NDST4: variants seen among roughly 807,000 people sequenced by gnomAD.
The protein encoded by NDST4 is N-heparan sulfate sulfotransferase 4.
Under a neutral mutation model 100.8 loss-of-function variants are expected in NDST4, and 63 were observed. The ratio of observed to expected loss-of-function variants is 0.62; its 90% CI spans 0.51 to 0.77. The LOEUF is 0.77. NDST4 is among the 30% of genes least tolerant of loss of function. The pLI is 0.00. For synonymous variants in NDST4, 377 were observed against 361.8 expected (o/e 1.04, Z -0.48); for missense variants, 943 against 1,018.4 (o/e 0.93, Z 1.01).
At chr4:114,979,770 T>C (rs1262576802) in intron 2 of NDST4, among the ~76,000 whole-genome samples, 4 of 152,034 alleles carry the variant, frequency 2.6e-5, no homozygotes, top group Admixed American at 1.3e-4. Context: ...AAGAGCTATC[T>C]AGTCATGGCC....
intron 3 of NDST4, among the ~76,000 whole-genome samples, chr4:114,975,671 A>T (rs1726616767): frequency 6.6e-6 from 1 of 152,150 alleles, no homozygotes; most frequent in Admixed American, 6.6e-5. Context: ...TGAGGCAGTT[A>T]TCCAGATATA....
Position 115,024,063 on chromosome 4 carries a change from A to T in NDST4, c.979-46789T>A, listed in dbSNP as rs116305556. On this transcript the variant is annotated intron_variant, in intron 2 of 13. Transcript: ENST00000264363. ...ATTCTGCAAGCTCACATCATGTAAG[A>T]GCTGTAAAGGCATGATGATCTTCAC... Among the ~76,000 whole-genome samples the T allele has an allele frequency of 7.6e-3, 1,150 of 152,172 alleles. 13 individuals carry two copies. The highest frequency in any genetic ancestry group is 0.026 in the African/African-American group (1,094 of 41,520).
At chr4:114,964,393 A>G (rs1726334707) in intron 4 of NDST4, among the ~76,000 whole-genome samples, 2 of 152,206 alleles carry the variant, frequency 1.3e-5, no homozygotes, top group Non-Finnish European at 2.9e-5. Context: ...TCCTGACTTC[A>G]TAAACTGTTA....
intron 2 of NDST4, among the ~76,000 whole-genome samples, chr4:115,073,616 T>G (rs560196957): frequency 6.6e-6 from 1 of 151,830 alleles, no homozygotes; most frequent in South Asian, 2.1e-4. Context: ...AAATTTAAAC[T>G]CAAAGAAGCA....
chr4:115,104,467 G>C (rs1729797711), intron 1 of NDST4, among the ~76,000 whole-genome samples: 1 of 151,942 alleles, frequency 6.6e-6, no homozygotes, highest in South Asian at 2.1e-4. Context: ...GGAAACATTT[G>C]CATTTGTTTT....
chr4:115,083,751 C>T (rs996760235), intron 1 of NDST4, among the ~76,000 whole-genome samples: 7 of 152,002 alleles, frequency 4.6e-5, no homozygotes, highest in African/African-American at 7.2e-5. Flanking sequence ...TAAGGAGCTT[C>T]CCCCCTTTGT....
intron 1 of NDST4, among the ~76,000 whole-genome samples, chr4:115,080,790 A>G (rs1729286578): frequency 1.3e-5 from 2 of 152,120 alleles, no homozygotes; most frequent in African/African-American, 4.8e-5. Context: ...ATCCAAGCTC[A>G]CATATTTAAT....
intron 2 of NDST4, among the ~76,000 whole-genome samples, chr4:115,045,249 T>C (rs550374299): frequency 1.3e-5 from 2 of 152,050 alleles, no homozygotes; most frequent in African/African-American, 4.8e-5. Flanking sequence ...AAATTTGCCT[T>C]AGGCATGAAA....
chr4:114,904,607 C>T (rs532830880), intron 6 of NDST4, among the ~76,000 whole-genome samples: 3 of 151,694 alleles, frequency 2.0e-5, no homozygotes, highest in East Asian at 3.9e-4. Flanking sequence ...TGCATAGATA[C>T]TAGAAATAGC....
At chr4:114,857,887 C>T (rs899825264) in intron 7 of NDST4, among the ~76,000 whole-genome samples, 1 of 152,014 alleles carries the variant, frequency 6.6e-6, no homozygotes, top group African/African-American at 2.4e-5. Context: ...ATGATAGTGT[C>T]CAAAGTGTGT....
intron 11 of NDST4, among the ~76,000 whole-genome samples, chr4:114,838,709 C>A (rs1413847226): frequency 6.6e-6 from 1 of 151,740 alleles, no homozygotes; most frequent in Admixed American, 6.6e-5. Context: ...GGAGAAATAC[C>A]TAATGTAGGT....
At chr4:114,976,534 G>A (rs1008613335) in intron 3 of NDST4, among the ~76,000 whole-genome samples, 3 of 152,098 alleles carry the variant, frequency 2.0e-5, no homozygotes, top group African/African-American at 7.2e-5. Context: ...TCAGAACACA[G>A]CACATGAATA....
intron 4 of NDST4, among the ~76,000 whole-genome samples, chr4:114,950,221 T>C (rs930659966): frequency 6.6e-6 from 1 of 152,020 alleles, no homozygotes; most frequent in African/African-American, 2.4e-5. Flanking sequence ...AACACAAAGC[T>C]TCCTCTGGAG....
chr4:115,000,149 C>T (rs1477750762), intron 2 of NDST4, among the ~76,000 whole-genome samples: 1 of 150,964 alleles, frequency 6.6e-6, no homozygotes, highest in Non-Finnish European at 1.5e-5. Flanking sequence ...TATATTTTCT[C>T]AACTCAATTC....
At chr4:115,027,748 GTAAGCATGT>G (rs1728019185) in intron 2 of NDST4, among the ~76,000 whole-genome samples, 1 of 151,700 alleles carries the variant, frequency 6.6e-6, no homozygotes, top group Non-Finnish European at 1.5e-5. Context: ...AACTTCTTTG[GTAAGCATGT>G]TATAAGAGTT....
intron 2 of NDST4, among the ~76,000 whole-genome samples, chr4:114,987,266 C>T (rs1221005546): frequency 6.6e-6 from 1 of 152,080 alleles, no homozygotes; most frequent in Non-Finnish European, 1.5e-5. Flanking sequence ...AAAATATCCC[C>T]AAGAATTCTC....
intron 2 of NDST4, among the ~76,000 whole-genome samples, chr4:115,021,702 C>T (rs1727828886): frequency 6.7e-6 from 1 of 148,830 alleles, no homozygotes; most frequent in Admixed American, 6.7e-5. Context: ...CGTTCCACAT[C>T]TATACACATT....
chr4:114,999,150 G>A (rs908800911), intron 2 of NDST4, among the ~76,000 whole-genome samples: 3 of 152,010 alleles, frequency 2.0e-5, no homozygotes, highest in South Asian at 2.1e-4. Context: ...TTGCTTCACT[G>A]AGATATTTAA....
intron 3 of NDST4, among the ~76,000 whole-genome samples, chr4:114,974,257 T>A (rs279522): frequency 0.87 from 131,853 of 151,580 alleles, 57,817 homozygotes; most frequent in African/African-American, 0.92. Flanking sequence ...TTTAACTAAT[T>A]CTCCACACAG....
Sources: allele counts gnomAD v4.1 joint callset (sites outside exome capture counted in the v4.1 genomes callset), GRCh38; gene constraint gnomAD v4.1.1; transcripts MANE v1.5; gene names NCBI Gene and HGNC (gene_info 2026-07-23, HGNC 2026-07-21).